DZIP1: variants seen among roughly 807,000 people sequenced by gnomAD.
DZIP1 encodes DAZ interacting zinc finger protein 1.
DZIP1 carries 97 observed loss-of-function variants against 107.6 expected under a neutral mutation model. That is an observed-to-expected ratio of 0.90 (90% CI 0.77 to 1.07). The LOEUF (loss-of-function observed/expected upper bound fraction) is 1.07. Among genes scored for constraint, DZIP1 ranks in the 50% least tolerant of loss-of-function variants. DZIP1 has a pLI of 0.00. For synonymous variants in DZIP1, 390 were observed against 386.4 expected, an observed-to-expected ratio of 1.01 and a Z score of -0.11; for missense variants, 1,035 against 1,063.6, an observed-to-expected ratio of 0.97 and a Z score of 0.37.
intron 14 of DZIP1, among the ~76,000 whole-genome samples, chr13:95,600,060 G>T (rs1243330855): frequency 6.6e-6 from 1 of 152,144 alleles, no homozygotes. Context: ...AATGGCAACC[G>T]CACTCAGGGG....
At chr13:95,616,560 A>G (rs1875097552) in intron 10 of DZIP1, among the ~76,000 whole-genome samples, 1 of 152,196 alleles carries the variant, frequency 6.6e-6, no homozygotes, top group Non-Finnish European at 1.5e-5. Flanking sequence ...CAAATAAGCA[A>G]GTAAACTATT....
Position 95,578,212 on chromosome 13 carries a change from T to G in DZIP1, c.*4022A>C. On this transcript the variant is annotated 3_prime_UTR_variant, in exon 23 of 23. Coordinates refer to ENST00000376829, the MANE Select transcript of DZIP1 (RefSeq NM_198968.4). ...AATCATTTTCTGTTGTGGCTTTCTA[T>G]AAAAAATAAACAGTTTATTTACAGG... is the stretch of plus-strand genomic sequence containing the variant. The G allele has an allele frequency of 2.6e-6, 1 of 389,840 alleles. No homozygotes were observed. The highest frequency in any genetic ancestry group is 4.6e-6 in the Non-Finnish European group (1 of 218,566). The allele number at this position is 389,840 out of a possible 1,614,324, so 24.1% of individuals were successfully genotyped here.
chr13:95,584,852 A>G lies in DZIP1; in HGVS notation c.2408T>C (p.Leu803Ser). The G allele has an allele frequency of 6.2e-7, 1 of 1,614,082 alleles. No individual in the cohort carries two copies. The highest frequency in any genetic ancestry group is 1.1e-5 in the South Asian group (1 of 91,080). The change falls in exon 22 of 23, where the codon TTG becomes TCG. Residue 803 changes from leucine (L) to serine (S), a missense_variant. Physicochemically the swap from Leu to Ser is moderately radical, Grantham distance 145 (BLOSUM62 -2). Coordinates refer to ENST00000376829, the MANE Select transcript of DZIP1 (RefSeq NM_198968.4). ...CTGTTCTTTCCCAGATTTTTTTCCC[A>G]AAGATATCTCTTCCTCTAGGGATGA... ...DISSLEEEIS[L>S]GKKSGKEQKE...
chr13:95,600,155 C>T (rs2044570577), intron 14 of DZIP1, among the ~76,000 whole-genome samples: 2 of 152,212 alleles, frequency 1.3e-5, no homozygotes, highest in East Asian at 3.9e-4. Flanking sequence ...TAAAACCAAG[C>T]CCTATCCTAC....
In DZIP1 at chr13:95,641,599, A is replaced by G; in HGVS notation, c.293T>C (p.Phe98Ser). The G allele has an allele frequency of 6.2e-7, 1 of 1,613,152 alleles. No homozygotes were observed. Among genetic ancestry groups the G allele is most frequent in the Non-Finnish European group, 8.5e-7 (1 of 1,180,030 alleles). The change falls in exon 5 of 23, where the codon TTC (phenylalanine) becomes TCC (serine). Residue 98 changes from phenylalanine to serine, a missense_variant. Transcript: ENST00000376829. The surrounding 1 kb of genome is among the most constrained non-coding windows in gnomAD (Gnocchi z 4.3). Reference sequence around the variant, plus strand: ...GCACTTCTCGTCTTCCAGCTTGCAGAAGGTGATGTTCATGATGTTCTCCTG... The same window carrying G: ...GCACTTCTCGTCTTCCAGCTTGCAGGAGGTGATGTTCATGATGTTCTCCTG... ...TLQENIMNIT[F>S]CKLEDEKCPH... is the part of the protein sequence containing the mutation.
intron 22 of DZIP1, 125 bp from the exon 23 acceptor site, chr13:95,582,438 T>C: frequency 1.3e-6 from 1 of 793,524 alleles, no homozygotes; most frequent in East Asian, 2.6e-5. Flanking sequence ...TGTTCATGAA[T>C]CCTCATCTCC....
At chr13:95,632,546 C>G (rs1877312173) in intron 6 of DZIP1, among the ~76,000 whole-genome samples, 1 of 152,184 alleles carries the variant, frequency 6.6e-6, no homozygotes, top group African/African-American at 2.4e-5. Context: ...CCACTGCTTC[C>G]ACTGTCGCCC....
At chr13:95,639,387 T>C (rs558911094) in intron 5 of DZIP1, among the ~76,000 whole-genome samples, 2 of 152,184 alleles carry the variant, frequency 1.3e-5, no homozygotes, top group South Asian at 2.1e-4. Context: ...GGTCAGGAGT[T>C]TGAGACCAGC....
chr13:95,617,371 A>G (rs976039316), intron 10 of DZIP1, among the ~76,000 whole-genome samples: 9 of 152,122 alleles, frequency 5.9e-5, no homozygotes, highest in Admixed American at 3.9e-4. Context: ...AATAACCACA[A>G]GGAACCTCAG....
At chr13:95,582,469 T>C (rs906036182) in intron 22 of DZIP1, among the ~76,000 whole-genome samples, 156 bp from the exon 23 acceptor site, 8 of 152,294 alleles carry the variant, frequency 5.3e-5, no homozygotes, top group Middle Eastern at 3.4e-3. Flanking sequence ...GAGCTATGTA[T>C]AGGACGCCAC....
At chr13:95,642,688 T>C (rs1452297641) in intron 3 of DZIP1, among the ~76,000 whole-genome samples, 1 of 152,210 alleles carries the variant, frequency 6.6e-6, no homozygotes, top group Non-Finnish European at 1.5e-5. Flanking sequence ...TACCCAGCAA[T>C]ATACACTTGG....
At chr13:95,594,472 C>T (rs1171147071) in intron 15 of DZIP1, among the ~76,000 whole-genome samples, 1 of 152,068 alleles carries the variant, frequency 6.6e-6, no homozygotes, top group African/African-American at 2.4e-5. Flanking sequence ...TATGTATCAT[C>T]TTATGAAGAA....
At chr13:95,631,414 C>T (rs572727698) in intron 6 of DZIP1, among the ~76,000 whole-genome samples, 1 of 152,120 alleles carries the variant, frequency 6.6e-6, no homozygotes, top group East Asian at 1.9e-4. Flanking sequence ...TTGCAGTGAG[C>T]CAAGATGGCA....
At chr13:95,620,411 T>C (rs1159662109) in intron 9 of DZIP1, among the ~76,000 whole-genome samples, 1 of 152,232 alleles carries the variant, frequency 6.6e-6, no homozygotes, top group Non-Finnish European at 1.5e-5. Flanking sequence ...TTTACAGTAG[T>C]ATTAGAACAG....
intron 10 of DZIP1, among the ~76,000 whole-genome samples, chr13:95,613,471 C>A (rs1276209808): frequency 6.6e-6 from 1 of 151,630 alleles, no homozygotes. Context: ...AAGATCATGT[C>A]TTTGCACTCC....
Position 95,641,716 on chromosome 13 carries a change from T to G in DZIP1, c.176A>C (p.Gln59Pro). The G allele has an allele frequency of 6.2e-7, 1 of 1,600,398 alleles. No individual in the cohort carries two copies. The highest frequency in any genetic ancestry group is 8.5e-7 in the Non-Finnish European group (1 of 1,178,436). Residue 59 changes from glutamine (Q) to proline (P), a missense_variant, in exon 5 of 23, where the codon CAG becomes CCG. By Grantham distance (76) the Gln-to-Pro change is moderately conservative. Coordinates refer to ENST00000376829, the MANE Select transcript of DZIP1 (RefSeq NM_198968.4). The surrounding 1 kb of genome is among the most constrained non-coding windows in gnomAD (Gnocchi z 4.3). ...SAASGPLPFFQFRPRLESVDW... is the reference protein window; with the variant it reads ...SAASGPLPFFPFRPRLESVDW... ...CACACTCTCCAGCCGCGGCCTGAAC[T>G]GGAAGAAGGGCAGGGGCCCCGAAGC...
chr13:95,583,024 G>A (rs2138728251), intron 22 of DZIP1, among the ~76,000 whole-genome samples: 1 of 152,306 alleles, frequency 6.6e-6, no homozygotes, highest in East Asian at 1.9e-4. Flanking sequence ...ACTGGACAAT[G>A]TGAGAGAAAA....
intron 14 of DZIP1, among the ~76,000 whole-genome samples, chr13:95,600,939 T>A (rs1261085289): frequency 6.6e-6 from 1 of 152,212 alleles, no homozygotes; most frequent in African/African-American, 2.4e-5. Flanking sequence ...TATTACTAGT[T>A]TGAACTGCTG....
chr13:95,589,525 C>T (rs573352562), intron 18 of DZIP1, among the ~76,000 whole-genome samples: 2 of 152,214 alleles, frequency 1.3e-5, no homozygotes, highest in African/African-American at 4.8e-5. Context: ...TGGATGGGGG[C>T]CCCCATGATG....
Sources: gnomAD v4.1 joint callset for allele counts (sites outside exome capture counted in the v4.1 genomes callset) on GRCh38, gnomAD v4.1.1 for gene constraint, Gnocchi (gnomAD v3.1) non-coding constraint, MANE v1.5 for transcripts, NCBI Gene and HGNC (gene_info 2026-07-23, HGNC 2026-07-21) for gene names.